The following HACE1 variants were observed in gnomAD, a reference collection of about 807,000 sequenced individuals.
HACE1 encodes E3 ubiquitin-protein ligase HACE1.
HACE1 carries 73 observed loss-of-function variants against 118.4 expected under a neutral mutation model. The observed-to-expected ratio is 0.62, with a 90% CI of 0.51 to 0.75. The LOEUF is 0.75. Among genes scored for constraint, HACE1 ranks in the 30% least tolerant of loss-of-function variants. HACE1 has a pLI of 0.00. For synonymous variants in HACE1, 368 were observed against 374.8 expected (o/e 0.98, Z 0.21); for missense variants, 749 against 1,102.2 (o/e 0.68, Z 4.54).
intron 7 of HACE1, among the ~76,000 whole-genome samples, chr6:104,799,565 G>A (rs1770064819): frequency 1.3e-5 from 2 of 152,092 alleles, no homozygotes; most frequent in African/African-American, 4.8e-5. Context: ...CAATTTTTCA[G>A]ATGAGAAAAC....
chr6:104,808,078 C>T lies in HACE1; in HGVS notation c.617+3233G>A, dbSNP rs372671802. On this transcript the variant is annotated intron_variant, in intron 7 of 23. Transcript: ENST00000262903. ...GCGCATGCCTGTAATGCCAGCTACT[C>T]GGGAGGCAGAGGCAGGAGAATCGCT... Among the ~76,000 whole-genome samples, 21 of 151,902 alleles carry T rather than the reference C, an allele frequency of 1.4e-4. 1 individual carries two copies. In the South Asian group the frequency reaches 3.7e-3, roughly 27 times the overall value.
intron 7 of HACE1, among the ~76,000 whole-genome samples, chr6:104,798,851 T>C (rs925348621): frequency 2.0e-5 from 3 of 152,226 alleles, no homozygotes; most frequent in African/African-American, 7.2e-5. Context: ...ATAAAACTGC[T>C]GAGTTCAATT....
At chr6:104,757,640 T>G (rs184651451) in intron 19 of HACE1, among the ~76,000 whole-genome samples, 3 of 152,114 alleles carry the variant, frequency 2.0e-5, no homozygotes, top group Non-Finnish European at 4.4e-5. Context: ...CCTCTTCACC[T>G]CCAAAGGAAC....
intron 11 of HACE1, among the ~76,000 whole-genome samples, chr6:104,790,619 T>G (rs1782925493): frequency 6.6e-6 from 1 of 152,056 alleles, no homozygotes; most frequent in South Asian, 2.1e-4. Context: ...CCAGGTATGG[T>G]GGCATGCACC....
chr6:104,787,836 C>G (rs1229809278), intron 11 of HACE1, among the ~76,000 whole-genome samples: 3 of 151,856 alleles, frequency 2.0e-5, no homozygotes, highest in African/African-American at 7.3e-5. Flanking sequence ...TGTCGAAAAG[C>G]CAGAGTTTTT....
At chr6:104,831,033 CT>C (rs1773813053) in intron 6 of HACE1, 1 of 152,110 alleles carries the variant, frequency 6.6e-6, no homozygotes. Context: ...ACAGCTGAGA[CT>C]ACTGGCACAC....
At chr6:104,767,481 C>T (rs570396345) in intron 19 of HACE1, among the ~76,000 whole-genome samples, 57 of 152,222 alleles carry the variant, frequency 3.7e-4, no homozygotes, top group African/African-American at 1.3e-3. Context: ...TAGTACCGCC[C>T]CATTTCAACC....
rs143314080 is a variant in HACE1 at position 104,798,346 on chromosome 6, A to G, written c.618-1321T>C. Reference sequence around the variant, plus strand: ...CAAAACACTATTCATTCTCTTTCACAAAACGGCACTGTATGAAGAATAATT... The same window carrying G: ...CAAAACACTATTCATTCTCTTTCACGAAACGGCACTGTATGAAGAATAATT... On this transcript the variant is annotated intron_variant, in intron 7 of 23. Transcript: ENST00000262903. Among the ~76,000 whole-genome samples the G allele has an allele frequency of 5.9e-3, 897 of 152,290 alleles. 13 individuals carry two copies. Among genetic ancestry groups the G allele is most frequent in the African/African-American group, 0.021 (863 of 41,556 alleles).
chr6:104,791,693 A>C (rs1783043986), intron 10 of HACE1, 39 bp from the exon 11 acceptor site: 1 of 1,299,692 alleles, frequency 7.7e-7, no homozygotes, highest in South Asian at 1.2e-5. Context: ...AGAGTAAAAC[A>C]AATTACATAT....
At chr6:104,812,524 T>G (rs1771738844) in intron 6 of HACE1, among the ~76,000 whole-genome samples, 1 of 152,166 alleles carries the variant, frequency 6.6e-6, no homozygotes, top group Non-Finnish European at 1.5e-5. Flanking sequence ...TTTTGCCGCT[T>G]TTAAACAAAG....
At chr6:104,795,544 T>C in intron 10 of HACE1, 35 bp downstream of exon 10, 2 of 1,154,246 alleles carry the variant, frequency 1.7e-6, no homozygotes, top group Non-Finnish European at 2.6e-6. Flanking sequence ...CAGACACTGC[T>C]ACCTATTGAT....
At chr6:104,843,110 C>A in intron 5 of HACE1, 113 bp downstream of exon 5, 8 of 736,202 alleles carry the variant, frequency 1.1e-5, no homozygotes, top group Non-Finnish European at 2.0e-5. Context: ...GACTCTGTCT[C>A]AAAAAAAAGT....
At chr6:104,829,742 C>G (rs1352362582) in intron 6 of HACE1, among the ~76,000 whole-genome samples, 1 of 152,136 alleles carries the variant, frequency 6.6e-6, no homozygotes. Context: ...TGTACCCCTC[C>G]TCCTCTACTC....
chr6:104,854,303 T>C (rs928519586), intron 1 of HACE1, among the ~76,000 whole-genome samples: 1 of 152,116 alleles, frequency 6.6e-6, no homozygotes, highest in African/African-American at 2.4e-5. Context: ...GATCCGTAAA[T>C]GACATTAGTG....
chr6:104,730,192 G>A, intron 23 of HACE1, 111 bp downstream of exon 23: 1 of 716,884 alleles, frequency 1.4e-6, no homozygotes, highest in South Asian at 1.5e-5. Flanking sequence ...AAATCCTGGA[G>A]AGAGATCACA....
rs1263281432 is a variant in HACE1, at chr6:104,797,041, A to C, written c.618-16T>G. 25 of 1,366,886 alleles carry C rather than the reference A, an allele frequency of 1.8e-5. No individual in the cohort carries two copies. Among genetic ancestry groups the C allele is most frequent in the Non-Finnish European group, 2.5e-5 (24 of 954,714 alleles). The allele number at this position is 1,366,886 out of a possible 1,614,324, so 84.7% of individuals were successfully genotyped here. ...CTGACCATGACTGTGTGGAAATAGA[A>C]ACAAGTTAAAAATACAATCTTTTTA... is the stretch of plus-strand genomic sequence containing the variant. On this transcript the variant is annotated splice_polypyrimidine_tract_variant and intron_variant, in intron 7 of 23. Transcript: ENST00000262903.
intron 20 of HACE1, among the ~76,000 whole-genome samples, chr6:104,744,947 T>C (rs1011223516): frequency 3.3e-5 from 5 of 152,202 alleles, no homozygotes; most frequent in African/African-American, 1.2e-4. Context: ...CTTTATATTT[T>C]TACAATTCTT....
At position 104,829,423 on chromosome 6, in the gene HACE1, C is replaced by T. The variant is rs369670868; in HGVS notation, c.534+3619G>A. Among the ~76,000 whole-genome samples, 99 of 152,134 alleles carry T rather than the reference C, an allele frequency of 6.5e-4. 1 individual carries two copies. In the South Asian group the frequency reaches 1.0e-2, roughly 15 times the overall value. On this transcript the variant is annotated intron_variant, in intron 6 of 23. Coordinates refer to ENST00000262903, the MANE Select transcript of HACE1 (RefSeq NM_020771.4). Reference sequence around the variant, plus strand: ...AATTCTGAAACAGGCAGTATTAGCACAACTATGAACACAGATTTGTAGAAC... The same window carrying T: ...AATTCTGAAACAGGCAGTATTAGCATAACTATGAACACAGATTTGTAGAAC...
At chr6:104,781,774 A>G (rs774280865) in intron 14 of HACE1, among the ~76,000 whole-genome samples, 5 of 151,792 alleles carry the variant, frequency 3.3e-5, no homozygotes, top group Non-Finnish European at 5.9e-5. Flanking sequence ...CATGACTCAC[A>G]CTGGGACCCT....
Sources: gnomAD v4.1 joint callset for allele counts (sites outside exome capture counted in the v4.1 genomes callset) on GRCh38, gnomAD v4.1.1 for gene constraint, MANE v1.5 for transcripts, NCBI Gene and HGNC (gene_info 2026-07-23, HGNC 2026-07-21) for gene names.